The following TEX26 variants were observed in gnomAD, a reference collection of about 807,000 sequenced individuals.
TEX26 encodes the protein testis-expressed protein 26.
A neutral mutation model predicts 35.3 loss-of-function variants in TEX26; 34 were observed. That is an observed-to-expected ratio of 0.96 (90% CI 0.73 to 1.28). The LOEUF (loss-of-function observed/expected upper bound fraction) is 1.28. TEX26 is among the 50% of genes most tolerant of loss of function. The probability of loss-of-function intolerance (pLI) is 0.00; values close to 1 mark genes in which losing one functional copy is unlikely to be tolerated. For synonymous variants in TEX26, 136 were observed against 111.8 expected, an observed-to-expected ratio of 1.22 and a Z score of -1.36; for missense variants, 371 against 330.1, an observed-to-expected ratio of 1.12 and a Z score of -0.96.
intron 1 of TEX26, among the ~76,000 whole-genome samples, chr13:30,939,223 G>A (rs1953386279): frequency 6.6e-6 from 1 of 152,226 alleles, no homozygotes; most frequent in South Asian, 2.1e-4. Flanking sequence ...GGGATAGGAA[G>A]GAGAGTGGCA....
intron 2 of TEX26, among the ~76,000 whole-genome samples, chr13:30,942,794 A>T (rs918457746): frequency 2.0e-5 from 3 of 152,026 alleles, no homozygotes; most frequent in Non-Finnish European, 4.4e-5. Context: ...CTTCATTGTC[A>T]GTATTTGGCT....
intron 1 of TEX26, among the ~76,000 whole-genome samples, chr13:30,935,867 T>C (rs1056347732): frequency 4.6e-5 from 7 of 151,938 alleles, no homozygotes; most frequent in African/African-American, 1.7e-4. Context: ...AGCCACAGAG[T>C]TTTCCAGCCA....
rs151327063 is a variant in TEX26 at position 30,970,949 on chromosome 13, C to T, written c.808+1903C>T. ...AGCTAACAAGGTAACTTAGAATAAG[C>T]TAGGGTTTTGTTTCTTCTTAGCTCT... is the stretch of plus-strand genomic sequence containing the variant. On this transcript the variant is annotated intron_variant, in intron 6 of 6. Coordinates refer to ENST00000380473, the MANE Select transcript of TEX26 (RefSeq NM_152325.3). 2.6e-5 allele frequency among the ~76,000 whole-genome samples: 4 copies of T among 152,320 alleles called. No homozygotes were observed. The South Asian group carries it at 8.3e-4, about 32-fold the overall frequency.
Position 30,954,118 on chromosome 13 carries a change from T to C in TEX26, c.312+1293T>C, listed in dbSNP as rs61947611. Among the ~76,000 whole-genome samples, 584 of 152,214 alleles carry C rather than the reference T, an allele frequency of 3.8e-3. 2 individuals carry two copies. The highest frequency in any genetic ancestry group is 7.3e-3 in the Non-Finnish European group (495 of 68,010). On this transcript the variant is annotated intron_variant, in intron 3 of 6. Transcript: ENST00000380473. The stretch of plus-strand genomic sequence containing the variant: ...AAGATGTGTCCAACAGGCAGTTTAA[T>C]AGACAGGTCTGGAGCTCTTGGGGGA...
chr13:30,954,211 C>T (rs1451293403), intron 3 of TEX26, among the ~76,000 whole-genome samples: 1 of 149,334 alleles, frequency 6.7e-6, no homozygotes, highest in African/African-American at 2.5e-5. Context: ...AAATTTGGTT[C>T]CTTGTGATAT....
At chr13:30,934,391 C>T (rs868071237) in intron 1 of TEX26, among the ~76,000 whole-genome samples, 13 of 152,338 alleles carry the variant, frequency 8.5e-5, no homozygotes, top group Middle Eastern at 3.4e-3. Flanking sequence ...TGATGACTAA[C>T]TGTTATTGAA....
At chr13:30,966,070 A>G (rs957876415) in intron 4 of TEX26, 152 bp from the exon 5 acceptor site, 26 of 747,512 alleles carry the variant, frequency 3.5e-5, no homozygotes, top group Non-Finnish European at 5.2e-5. Context: ...ATTTGAGTAT[A>G]TACTTCCTGT....
intron 2 of TEX26, among the ~76,000 whole-genome samples, chr13:30,952,001 A>ATTTTTTTTTTTTTTTTTTTTTTTTTT (rs751918742): frequency 7.9e-5 from 4 of 50,690 alleles, no homozygotes; most frequent in African/African-American, 4.0e-4. Context: ...TTATTCTGGG[A>ATTTTTTTTTTTTTTTTTTTTTTTTTT]TTTTTTTTTT....
intron 4 of TEX26, among the ~76,000 whole-genome samples, chr13:30,965,804 A>G (rs1236092118): frequency 1.3e-5 from 2 of 152,200 alleles, no homozygotes; most frequent in African/African-American, 2.4e-5. Context: ...AAATAAAACT[A>G]TGGGATGCCC....
At chr13:30,936,634 T>C (rs1953282440) in intron 1 of TEX26, 1 of 964,356 alleles carries the variant, frequency 1.0e-6, no homozygotes. Context: ...ATAGGATACA[T>C]AGCTCATCTC....
At chr13:30,939,518 A>G (rs1292840845) in intron 1 of TEX26, among the ~76,000 whole-genome samples, 176 bp from the exon 2 acceptor site, 1 of 152,248 alleles carries the variant, frequency 6.6e-6, no homozygotes, top group East Asian at 1.9e-4. Context: ...TGAAACAGAT[A>G]AGTCGAACTT....
chr13:30,939,661 G>T, intron 1 of TEX26, 33 bp from the exon 2 acceptor site: 1 of 1,533,756 alleles, frequency 6.5e-7, no homozygotes, highest in Non-Finnish European at 9.0e-7. Context: ...ATTCTGGTTT[G>T]CCATATTTAA....
rs982877457 is a variant in TEX26, at chr13:30,966,251, T to C, written c.499T>C (p.Ser167Pro). The C allele has an allele frequency of 1.2e-6, 2 of 1,613,950 alleles. No homozygotes were observed. The highest frequency in any genetic ancestry group is 2.2e-5 in the South Asian group (2 of 91,072). ...GAAGATTAAGAAAAGTTCTCACTTG[T>C]CTCTGGAATGGAAAAAGTTACTTCC... ...AQKIKKSSHL[S>P]LEWKKLLPQP... is the part of the protein sequence containing the mutation. The change falls in exon 5 of 7, where the codon TCT becomes CCT. Residue 167 changes from serine to proline, a missense_variant. Coordinates refer to ENST00000380473, the MANE Select transcript of TEX26 (RefSeq NM_152325.3).
intron 1 of TEX26, among the ~76,000 whole-genome samples, chr13:30,935,545 C>T (rs1440946098): frequency 6.6e-6 from 1 of 152,222 alleles, no homozygotes; most frequent in African/African-American, 2.4e-5. Context: ...ATGCTCTCTG[C>T]TGATAGCTGG....
intron 2 of TEX26, 80 bp downstream of exon 2, chr13:30,939,858 T>C (rs1566140465): frequency 9.5e-6 from 12 of 1,267,064 alleles, no homozygotes; most frequent in Non-Finnish European, 1.1e-5. Flanking sequence ...TCCAAACACA[T>C]AGACAGTAAT....
At chr13:30,941,171 AG>A (rs1953493828) in intron 2 of TEX26, among the ~76,000 whole-genome samples, 1 of 152,182 alleles carries the variant, frequency 6.6e-6, no homozygotes, top group Non-Finnish European at 1.5e-5. Context: ...GAGGACACAA[AG>A]CACTAGGACA....
chr13:30,948,590 T>C, intron 2 of TEX26, among the ~76,000 whole-genome samples: 1 of 152,202 alleles, frequency 6.6e-6, no homozygotes, highest in Admixed American at 6.5e-5. Flanking sequence ...TGGGGTTGTT[T>C]GTTTTTTTCT....
chr13:30,946,025 C>T (rs1331285501), intron 2 of TEX26, among the ~76,000 whole-genome samples: 1 of 151,938 alleles, frequency 6.6e-6, no homozygotes, highest in South Asian at 2.1e-4. Context: ...GAAAGTTTTC[C>T]TCAATTATTC....
chr13:30,937,877 A>G (rs1395213969), intron 1 of TEX26, among the ~76,000 whole-genome samples: 1 of 152,212 alleles, frequency 6.6e-6, no homozygotes, highest in Non-Finnish European at 1.5e-5. Context: ...TATAAACAAG[A>G]CTTGATTGGG....
Sources: gnomAD v4.1 joint callset for allele counts (sites outside exome capture counted in the v4.1 genomes callset) on GRCh38, gnomAD v4.1.1 for gene constraint, MANE v1.5 for transcripts, NCBI Gene and HGNC (gene_info 2026-07-23, HGNC 2026-07-21) for gene names.